The following KCNIP3 variants were observed in gnomAD, a reference collection of about 807,000 sequenced individuals.
KCNIP3 encodes calsenilin.
KCNIP3 carries 28 observed loss-of-function variants against 35.0 expected under a neutral mutation model. That is an observed-to-expected ratio of 0.80 (90% CI 0.59 to 1.10). The LOEUF (loss-of-function observed/expected upper bound fraction) is 1.10. KCNIP3 is among the 50% of genes least tolerant of loss of function. The pLI is 0.00. For synonymous variants in KCNIP3, 134 were observed against 133.8 expected, an observed-to-expected ratio of 1.00 and a Z score of -0.01; for missense variants, 295 against 338.4, an observed-to-expected ratio of 0.87 and a Z score of 1.01.
chr2:95,312,887 G>A (rs1200420064), intron 2 of KCNIP3: 1 of 152,246 alleles, frequency 6.6e-6, no homozygotes, highest in East Asian at 1.9e-4. Flanking sequence ...ATAGCTCCCG[G>A]GTCTCCTCTC....
rs1680366661 is a variant in KCNIP3 at position 95,382,274 on chromosome 2, A to G, written c.556-103A>G. ...CCAGCTCGTCCGGCCCCTCGCACTCACTGCCTTGGAGGTGCCCTGCACCCT... is the reference window on the plus strand; with the variant it reads ...CCAGCTCGTCCGGCCCCTCGCACTCGCTGCCTTGGAGGTGCCCTGCACCCT... On this transcript the variant is annotated intron_variant, in intron 6 of 8. Transcript: ENST00000295225. The surrounding 1 kb of genome is among the most constrained non-coding windows in gnomAD (Gnocchi z 4.5). The G allele has an allele frequency of 1.6e-6, 1 of 618,618 alleles. No homozygotes were observed. The highest frequency in any genetic ancestry group is 2.7e-6 in the Non-Finnish European group (1 of 369,352). The allele number at this position is 618,618 out of a possible 1,614,324, so 38.3% of individuals were successfully genotyped here.
In KCNIP3 at chr2:95,378,777, T is replaced by TACAC. The variant is rs1289521714; in HGVS notation, c.448-2818_448-2817insCACA. ...AAAACAAAAACAAAATATATATATATATACACACACACACACACATATATA... is the reference window on the plus strand; with the variant it reads ...AAAACAAAAACAAAATATATATATATACACATACACACACACACACACATATATA... On this transcript the variant is annotated intron_variant, in intron 5 of 8. Transcript: ENST00000295225. This position sits in a 1 kb window ranked among gnomAD's most constrained non-coding sequence, Gnocchi z 4.0. Among the ~76,000 whole-genome samples the TACAC allele has an allele frequency of 2.0e-5, 3 of 150,374 alleles. No homozygotes were observed. Among genetic ancestry groups the TACAC allele is most frequent in the Admixed American group, 6.7e-5 (1 of 14,968 alleles).
At position 95,385,514 on chromosome 2, in the gene KCNIP3, A is replaced by G. The variant is rs985117873; in HGVS notation, c.*1465A>G. The stretch of plus-strand genomic sequence containing the variant: ...CGGTCCCAGGCCGCATGGCCCCTCC[A>G]GGAACATTCCCACATAATACATTCC... On this transcript the variant is annotated 3_prime_UTR_variant, in exon 9 of 9. Coordinates refer to ENST00000295225, the MANE Select transcript of KCNIP3 (RefSeq NM_013434.5). The G allele has an allele frequency of 3.3e-5, 5 of 152,974 alleles. No homozygotes were observed. Among genetic ancestry groups the G allele is most frequent in the African/African-American group, 1.2e-4 (5 of 41,458 alleles). 9.5% of individuals were successfully genotyped at this position (152,974 alleles called of 1,614,324 possible).
Position 95,384,169 on chromosome 2 carries a change from T to TACAC in KCNIP3, c.*154_*157dup, listed in dbSNP as rs58903840. The TACAC allele has an allele frequency of 0.08, 40,861 of 510,174 alleles. 609 individuals carry two copies. The highest frequency in any genetic ancestry group is 0.13 in the East Asian group (3,743 of 29,264). 31.6% of individuals were successfully genotyped at this position (510,174 alleles called of 1,614,324 possible). Reference sequence around the variant, plus strand: ...GATTTGCAAAAAGTGAACAGATTGCTACACACACACACACACACACACACA... The same window carrying TACAC: ...GATTTGCAAAAAGTGAACAGATTGCTACACACACACACACACACACACACACACA... On this transcript the variant is annotated 3_prime_UTR_variant, in exon 9 of 9. Coordinates refer to ENST00000295225, the MANE Select transcript of KCNIP3 (RefSeq NM_013434.5).
intron 2 of KCNIP3, among the ~76,000 whole-genome samples, chr2:95,340,900 T>C (rs1399651812): frequency 1.3e-5 from 2 of 152,186 alleles, no homozygotes; most frequent in African/African-American, 2.4e-5. Flanking sequence ...ATGTGTGACA[T>C]AGTACATTTC....
At position 95,374,343 on chromosome 2, in the gene KCNIP3, G is replaced by A; in HGVS notation, c.229G>A (p.Glu77Lys). Reference protein sequence around the residue: ...LELSTVRHQPEGLDQLQAQTK... With the variant: ...LELSTVRHQPKGLDQLQAQTK... ...GCTGTCCACGGTGCGCCACCAGCCA[G>A]AGGGGCTGGACCAGCTGCAGGCCCA... The change falls in exon 3 of 9, where the codon GAG becomes AAG. Residue 77 changes from glutamate to lysine, a missense_variant. Coordinates refer to ENST00000295225, the MANE Select transcript of KCNIP3 (RefSeq NM_013434.5). 1 of 1,614,114 alleles carries A rather than the reference G, an allele frequency of 6.2e-7. No homozygotes were observed. Among genetic ancestry groups the A allele is most frequent in the Non-Finnish European group, 8.5e-7 (1 of 1,179,940 alleles).
At chr2:95,317,326 C>T (rs1208102930) in intron 2 of KCNIP3, among the ~76,000 whole-genome samples, 5 of 152,190 alleles carry the variant, frequency 3.3e-5, no homozygotes, top group South Asian at 2.1e-4. Context: ...TCAGGAGTGA[C>T]GCCCACCCCA....
intron 2 of KCNIP3, among the ~76,000 whole-genome samples, chr2:95,325,916 CAT>C (rs1424135147): frequency 8.6e-5 from 13 of 151,416 alleles, no homozygotes; most frequent in African/African-American, 9.7e-5. Context: ...CACTCATACA[CAT>C]ACACACTCAT....
At chr2:95,326,956 G>A (rs1378844888) in intron 2 of KCNIP3, among the ~76,000 whole-genome samples, 4 of 152,170 alleles carry the variant, frequency 2.6e-5, no homozygotes, top group Admixed American at 6.5e-5. Flanking sequence ...AGCAGGCCTC[G>A]GTTTACGGGT....
chr2:95,304,387 G>A (rs969904764), intron 1 of KCNIP3, among the ~76,000 whole-genome samples: 1 of 152,186 alleles, frequency 6.6e-6, no homozygotes, highest in Non-Finnish European at 1.5e-5. Flanking sequence ...ATGGTCTGTG[G>A]CCTGTTGAGG....
chr2:95,372,850 A>G (rs982243564), intron 2 of KCNIP3, among the ~76,000 whole-genome samples: 1 of 152,240 alleles, frequency 6.6e-6, no homozygotes, highest in African/African-American at 2.4e-5. Context: ...GATGGGGAGC[A>G]TGTGTGGACC....
chr2:95,337,421 G>T (rs1295384267), intron 2 of KCNIP3, among the ~76,000 whole-genome samples: 7 of 151,932 alleles, frequency 4.6e-5, no homozygotes, highest in South Asian at 2.1e-4. Flanking sequence ...AGGGGGCGGG[G>T]GAGGGAATGA....
intron 2 of KCNIP3, among the ~76,000 whole-genome samples, chr2:95,348,948 C>T (rs1360833017): frequency 6.6e-6 from 1 of 152,208 alleles, no homozygotes; most frequent in African/African-American, 2.4e-5. Context: ...CAGGCTTGAA[C>T]CAGTCAGTGG....
chr2:95,299,519 C>T (rs550974957), intron 1 of KCNIP3, among the ~76,000 whole-genome samples: 69 of 152,264 alleles, frequency 4.5e-4, no homozygotes, highest in Middle Eastern at 6.8e-3. Context: ...TATGGGGAGG[C>T]GGGGAGGCAC....
intron 2 of KCNIP3, among the ~76,000 whole-genome samples, chr2:95,363,522 A>G (rs917862300): frequency 1.3e-5 from 2 of 152,168 alleles, no homozygotes; most frequent in African/African-American, 4.8e-5. Flanking sequence ...AGTGTCTGAG[A>G]GAAACTCCTC....
intron 2 of KCNIP3, among the ~76,000 whole-genome samples, chr2:95,369,921 C>T (rs1680003926): frequency 6.6e-6 from 1 of 152,160 alleles, no homozygotes; most frequent in African/African-American, 2.4e-5. Context: ...GCACTCAGTC[C>T]ATCCAGTGAA....
intron 2 of KCNIP3, chr2:95,313,934 TACACAC>T (rs201777058): frequency 2.0e-5 from 3 of 147,834 alleles, no homozygotes; most frequent in East Asian, 2.0e-4. Flanking sequence ...CACACACACA[TACACAC>T]ACACACACAT....
intron 2 of KCNIP3, among the ~76,000 whole-genome samples, chr2:95,344,808 G>A (rs1023784179): frequency 6.6e-6 from 1 of 152,224 alleles, no homozygotes; most frequent in Non-Finnish European, 1.5e-5. Flanking sequence ...CCCCCGGAGA[G>A]GCTGGATTAT....
chr2:95,359,666 C>T (rs1447037464), intron 2 of KCNIP3, among the ~76,000 whole-genome samples: 5 of 152,242 alleles, frequency 3.3e-5, no homozygotes, highest in African/African-American at 4.8e-5. Flanking sequence ...TCTGCCTGGA[C>T]CCCCAGTCTG....
Sources: gnomAD v4.1 joint callset for allele counts (sites outside exome capture counted in the v4.1 genomes callset) on GRCh38, gnomAD v4.1.1 for gene constraint, Gnocchi (gnomAD v3.1) non-coding constraint, MANE v1.5 for transcripts, NCBI Gene and HGNC (gene_info 2026-07-23, HGNC 2026-07-21) for gene names.